The following SDK1 variants were observed in gnomAD, a reference collection of about 807,000 sequenced individuals.
SDK1 encodes protein sidekick-1.
A neutral mutation model predicts 245.5 loss-of-function variants in SDK1; 157 were observed. That is an observed-to-expected ratio of 0.64 (90% CI 0.56 to 0.73). The LOEUF (loss-of-function observed/expected upper bound fraction) is 0.73, where lower values mean the gene tolerates loss of function less well. SDK1 is among the 30% of genes least tolerant of loss of function. The pLI is 0.00. For missense variants in SDK1, 3,583 were observed against 3,002.3 expected (o/e 1.19, Z -4.52); for synonymous variants, 1,647 against 1,278.5 (o/e 1.29, Z -6.15).
chr7:4,083,321 G>A (rs567016231), intron 22 of SDK1, among the ~76,000 whole-genome samples: 131 of 151,742 alleles, frequency 8.6e-4, no homozygotes, highest in African/African-American at 3.1e-3. Context: ...ATAGGTTACA[G>A]CTCTGTTAAT....
At chr7:3,594,359 G>T (rs1350338331) in intron 1 of SDK1, among the ~76,000 whole-genome samples, 1 of 152,184 alleles carries the variant, frequency 6.6e-6, no homozygotes, top group Non-Finnish European at 1.5e-5. Flanking sequence ...TCAGTTGATA[G>T]ACATTTGGAT....
intron 4 of SDK1, among the ~76,000 whole-genome samples, chr7:3,763,112 C>T (rs1780154793): frequency 6.6e-6 from 1 of 152,102 alleles, no homozygotes; most frequent in Admixed American, 6.5e-5. Context: ...CTCCTTATTC[C>T]TGAGAAAGCC....
Position 4,026,972 on chromosome 7 carries a change from C to T in SDK1, c.2602+9620C>T, listed in dbSNP as rs1035964110. ...GACACCTGTGAATCCCTGCTGTGTT[C>T]TGGATAGATGCATCAGTCCCTTATA... On this transcript the variant is annotated intron_variant, in intron 17 of 44. Transcript: ENST00000404826. The surrounding 1 kb of genome is among the most constrained non-coding windows in gnomAD (Gnocchi z 4.1). Among the ~76,000 whole-genome samples the T allele has an allele frequency of 3.9e-5, 6 of 152,188 alleles. No individual in the cohort carries two copies. The highest frequency in any genetic ancestry group is 7.3e-5 in the Non-Finnish European group (5 of 68,036).
chr7:3,434,971 A>G (rs1779975917), intron 1 of SDK1, among the ~76,000 whole-genome samples: 1 of 152,194 alleles, frequency 6.6e-6, no homozygotes, highest in Non-Finnish European at 1.5e-5. Flanking sequence ...AAAATTTTAC[A>G]ACAATTTTTG....
chr7:4,220,376 C>A, intron 39 of SDK1, 106 bp downstream of exon 39: 2 of 1,253,564 alleles, frequency 1.6e-6, no homozygotes, highest in Non-Finnish European at 2.2e-6. Context: ...GTGATGTTGG[C>A]GGCCAAGAGC....
intron 41 of SDK1, among the ~76,000 whole-genome samples, chr7:4,233,738 A>G (rs985919909): frequency 1.3e-5 from 2 of 152,122 alleles, no homozygotes; most frequent in African/African-American, 2.4e-5. Flanking sequence ...TGGGGAGAGC[A>G]GTGCCAGTCT....
intron 7 of SDK1, among the ~76,000 whole-genome samples, chr7:3,956,302 G>A (rs1018105140): frequency 6.6e-5 from 10 of 152,280 alleles, no homozygotes; most frequent in South Asian, 6.2e-4. Context: ...GGCTTTTCAC[G>A]GTCCATAGGC....
intron 40 of SDK1, among the ~76,000 whole-genome samples, chr7:4,225,884 T>C (rs1785414530): frequency 6.6e-6 from 1 of 152,026 alleles, no homozygotes; most frequent in African/African-American, 2.4e-5. Context: ...CTGCTCAACA[T>C]TCAAAAGCAG....
chr7:3,734,163 C>T (rs532994893), intron 4 of SDK1, among the ~76,000 whole-genome samples: 1 of 152,250 alleles, frequency 6.6e-6, no homozygotes, highest in Admixed American at 6.5e-5. Flanking sequence ...AGTTCCCTTA[C>T]CTATAGTAAC....
chr7:3,786,972 A>T (rs1384423850), intron 4 of SDK1, among the ~76,000 whole-genome samples: 2 of 152,074 alleles, frequency 1.3e-5, no homozygotes. Context: ...AATAGAGTAT[A>T]AACATTGTTC....
Position 3,537,491 on chromosome 7 carries a change from C to T in SDK1, c.299-81589C>T, listed in dbSNP as rs572370576. Reference sequence around the variant, plus strand: ...TAGGTTGGACTGTAAATCACTTTGTCACTCTAAGGAATTTGTTCCTTATTC... The same window carrying T: ...TAGGTTGGACTGTAAATCACTTTGTTACTCTAAGGAATTTGTTCCTTATTC... On this transcript the variant is annotated intron_variant, in intron 1 of 44. Coordinates refer to ENST00000404826, the MANE Select transcript of SDK1 (RefSeq NM_152744.4). Among the ~76,000 whole-genome samples the T allele has an allele frequency of 5.9e-5, 9 of 152,306 alleles. No homozygotes were observed. The South Asian group carries it at 1.7e-3, about 28-fold the overall frequency.
At chr7:3,813,629 T>C (rs1346520784) in intron 4 of SDK1, among the ~76,000 whole-genome samples, 1 of 148,154 alleles carries the variant, frequency 6.7e-6, no homozygotes, top group Non-Finnish European at 1.5e-5. Flanking sequence ...ATATACCCAG[T>C]AATGGGATGG....
At chr7:4,159,089 G>A (rs1355750412) in intron 31 of SDK1, among the ~76,000 whole-genome samples, 1 of 152,246 alleles carries the variant, frequency 6.6e-6, no homozygotes, top group Non-Finnish European at 1.5e-5. Flanking sequence ...CACAGGACGG[G>A]TGGGATGGAA....
At chr7:4,070,110 A>G (rs1395549037) in intron 20 of SDK1, among the ~76,000 whole-genome samples, 2 of 152,252 alleles carry the variant, frequency 1.3e-5, no homozygotes, top group African/African-American at 4.8e-5. Flanking sequence ...CGGAAGTGTT[A>G]ATATGCGCTA....
At chr7:4,254,918 C>T (rs1027369445) in intron 44 of SDK1, among the ~76,000 whole-genome samples, 5 of 152,120 alleles carry the variant, frequency 3.3e-5, no homozygotes, top group African/African-American at 1.2e-4. Flanking sequence ...TTGCCTGTCC[C>T]CATTAAGATT....
rs578153198 is a variant in SDK1 at position 3,918,499 on chromosome 7, G to A, written c.848-32424G>A. ...TCTGTCCCTGTCTCCCATCACCCCC[G>A]GATAGGACCGTAATTGCAGGAAAAC... On this transcript the variant is annotated intron_variant, in intron 5 of 44. Transcript: ENST00000404826. 2.6e-5 allele frequency among the ~76,000 whole-genome samples: 4 copies of A among 152,256 alleles called. No individual in the cohort carries two copies. The East Asian group carries it at 7.7e-4, about 29-fold the overall frequency.
intron 1 of SDK1, among the ~76,000 whole-genome samples, chr7:3,316,213 A>G (rs1313320553): frequency 6.6e-6 from 1 of 152,198 alleles, no homozygotes; most frequent in Non-Finnish European, 1.5e-5. Context: ...CTATAATGAC[A>G]TTTTGGTAAG....
Position 4,267,443 on chromosome 7 carries a change from A to C in SDK1, c.*2059A>C, listed in dbSNP as rs989670225. The C allele has an allele frequency of 2.4e-5, 24 of 985,144 alleles. No homozygotes were observed. Among genetic ancestry groups the C allele is most frequent in the Non-Finnish European group, 2.9e-5 (24 of 829,956 alleles). The allele number at this position is 985,144 out of a possible 1,614,324, so 61.0% of individuals were successfully genotyped here. ...CACTTCTGCATGAGAATCGCAACCC[A>C]CAGTTCCCCGGATGAGACTCACCAC... On this transcript the variant is annotated 3_prime_UTR_variant, in exon 45 of 45. Transcript: ENST00000404826.
At chr7:4,240,175 C>G (rs1786430603) in intron 42 of SDK1, among the ~76,000 whole-genome samples, 1 of 152,164 alleles carries the variant, frequency 6.6e-6, no homozygotes, top group South Asian at 2.1e-4. Context: ...ATAGAAAAAT[C>G]TCCCTGCTTT....
Sources: gnomAD v4.1 joint callset for allele counts (sites outside exome capture counted in the v4.1 genomes callset) on GRCh38, gnomAD v4.1.1 for gene constraint, Gnocchi (gnomAD v3.1) non-coding constraint, MANE v1.5 for transcripts, NCBI Gene and HGNC (gene_info 2026-07-23, HGNC 2026-07-21) for gene names.